ANK2: variants seen among roughly 807,000 people sequenced by gnomAD.
ANK2 encodes the protein ankyrin 2.
ANK2 carries 83 observed loss-of-function variants against 360.5 expected under a neutral mutation model. That is an observed-to-expected ratio of 0.23 (90% CI 0.19 to 0.28). The LOEUF (loss-of-function observed/expected upper bound fraction) is 0.28. ANK2 is among the 10% of genes least tolerant of loss of function. The pLI is 1.00. For synonymous variants in ANK2, 1,740 were observed against 1,759.5 expected (o/e 0.99, Z 0.28); for missense variants, 4,201 against 4,795.7 (o/e 0.88, Z 3.66).
At chr4:113,284,890 A>G (rs1204508981) in intron 18 of ANK2, among the ~76,000 whole-genome samples, 3 of 152,264 alleles carry the variant, frequency 2.0e-5, no homozygotes, top group East Asian at 3.9e-4. Flanking sequence ...ATAATTTCCC[A>G]TTGCTTTTGA....
chr4:113,108,176 C>G (rs1440596570), intron 1 of ANK2, among the ~76,000 whole-genome samples: 1 of 152,066 alleles, frequency 6.6e-6, no homozygotes. Flanking sequence ...TAGGCATTGT[C>G]TCACTGGTTT....
the ANK2 span, among the ~76,000 whole-genome samples, chr4:112,765,406 A>G: frequency 6.6e-6 from 1 of 152,024 alleles, no homozygotes; most frequent in Non-Finnish European, 1.5e-5. Flanking sequence ...GTTGAGAGGG[A>G]GAACCAATTG....
intron 5 of ANK2, among the ~76,000 whole-genome samples, chr4:113,235,595 A>C (rs2099365684): frequency 6.6e-6 from 1 of 151,288 alleles, no homozygotes; most frequent in Admixed American, 6.6e-5. Flanking sequence ...CATTCATCTA[A>C]TTTTTTCTTT....
At chr4:113,186,282 A>G (rs901749713) in intron 2 of ANK2, among the ~76,000 whole-genome samples, 1 of 152,164 alleles carries the variant, frequency 6.6e-6, no homozygotes, top group African/African-American at 2.4e-5. Context: ...ACCTCCAGCA[A>G]ATTCCAGCAG....
chr4:112,750,495 C>T, the ANK2 span, among the ~76,000 whole-genome samples: 1 of 152,054 alleles, frequency 6.6e-6, no homozygotes, highest in East Asian at 1.9e-4. Context: ...TAGTAACATG[C>T]TGTACAGTTT....
At chr4:112,984,428 A>C (rs1170329246) in intron 2 of ANK2, among the ~76,000 whole-genome samples, 2 of 152,208 alleles carry the variant, frequency 1.3e-5, no homozygotes, top group African/African-American at 2.4e-5. Context: ...TTGTGCAGGA[A>C]AACTTCCTGT....
At chr4:112,874,860 G>A (rs546482246) in intron 1 of ANK2, among the ~76,000 whole-genome samples, 89 of 152,194 alleles carry the variant, frequency 5.8e-4, no homozygotes, top group African/African-American at 1.9e-3. Context: ...TCCCCGGGGC[G>A]TAGAGCAATT....
At chr4:113,018,279 A>G (rs968330732) in intron 2 of ANK2, among the ~76,000 whole-genome samples, 8 of 152,228 alleles carry the variant, frequency 5.3e-5, no homozygotes, top group Non-Finnish European at 8.8e-5. Context: ...AATTAAGTCT[A>G]TCATGGAGTA....
chr4:112,867,103 C>CT (rs1258134762), intron 1 of ANK2, among the ~76,000 whole-genome samples: 12 of 150,684 alleles, frequency 8.0e-5, no homozygotes, highest in African/African-American at 1.2e-4. Context: ...TCATAATTAC[C>CT]TTTTTTTTTG....
At chr4:112,827,542 T>G in intron 1 of ANK2, 1 of 1,152,212 alleles carries the variant, frequency 8.7e-7, no homozygotes. Context: ...GGACTTGATA[T>G]TTTGTATGGA....
At chr4:112,780,321 C>T in the ANK2 span, among the ~76,000 whole-genome samples, 19 of 152,162 alleles carry the variant, frequency 1.2e-4, no homozygotes, top group African/African-American at 4.6e-4. Context: ...TGCAAAACTA[C>T]AATATTGCAG....
At chr4:113,282,562 A>G (rs1407959726) in intron 17 of ANK2, 113 bp from the exon 18 acceptor site, 2 of 1,054,558 alleles carry the variant, frequency 1.9e-6, no homozygotes, top group East Asian at 5.2e-5. Context: ...TTAACTGTAA[A>G]CTCACTTTTA....
intron 2 of ANK2, among the ~76,000 whole-genome samples, chr4:112,996,626 G>A (rs13148888): frequency 0.28 from 42,612 of 151,696 alleles, 6,830 homozygotes; most frequent in African/African-American, 0.43. Context: ...GTGGGTACGT[G>A]GTATATTTAT....
intron 2 of ANK2, among the ~76,000 whole-genome samples, chr4:112,996,294 A>G (rs2048481833): frequency 6.6e-6 from 1 of 152,180 alleles, no homozygotes; most frequent in South Asian, 2.1e-4. Flanking sequence ...CAGTCTACAA[A>G]CGAGCATGGG....
intron 2 of ANK2, among the ~76,000 whole-genome samples, chr4:112,970,186 A>G (rs2038984642): frequency 6.6e-6 from 1 of 151,684 alleles, no homozygotes. Context: ...GGGTTTCACC[A>G]TGTTGGCCAG....
At chr4:113,293,399 C>A (rs771017342) in intron 21 of ANK2, 41 bp from the exon 22 acceptor site, 2 of 1,565,746 alleles carry the variant, frequency 1.3e-6, no homozygotes, top group East Asian at 4.5e-5. Context: ...TCGCAGTCCT[C>A]TCTCTTATTT....
rs769252893 is a variant in ANK2, at chr4:113,367,686, C to G, written c.11153C>G (p.Ser3718Cys). 3.7e-6 allele frequency: 6 copies of G among 1,614,046 alleles called. No homozygotes were observed. Among genetic ancestry groups the G allele is most frequent in the Non-Finnish European group, 5.1e-6 (6 of 1,179,990 alleles). ...CCTATCGTCTCAGAGGAAGACATTT[C>G]TGTTGGTTATTCCACTTTTCAGGAT... is the stretch of plus-strand genomic sequence containing the variant. ...HPPIVSEEDI[S>C]VGYSTFQDGV... is the part of the protein sequence containing the mutation. The change falls in exon 42 of 46, where the codon TCT becomes TGT. Residue 3718 changes from serine to cysteine, a missense_variant. Around this residue, in one of 4 missense-constraint regions of ANK2, gnomAD observed 2,642 missense variants for 2,714.5 expected, o/e 0.97. Coordinates refer to ENST00000357077, the MANE Select transcript of ANK2 (RefSeq NM_001148.6).
chr4:113,167,764 C>T (rs1259892969), intron 1 of ANK2, among the ~76,000 whole-genome samples: 4 of 152,116 alleles, frequency 2.6e-5, no homozygotes, highest in African/African-American at 7.2e-5. Context: ...ACCAAAAGCC[C>T]CTTTCTGATT....
At chr4:112,767,453 C>T in the ANK2 span, among the ~76,000 whole-genome samples, 2 of 151,782 alleles carry the variant, frequency 1.3e-5, no homozygotes, top group Admixed American at 1.3e-4. Flanking sequence ...CCCAGCTACT[C>T]GGGAGGCTGA....
Sources: allele counts gnomAD v4.1 joint callset (sites outside exome capture counted in the v4.1 genomes callset), GRCh38; gene constraint gnomAD v4.1.1; regional missense constraint gnomAD v4.1.1; transcripts MANE v1.5; gene names NCBI Gene and HGNC (gene_info 2026-07-23, HGNC 2026-07-21).